ZNF285: variants seen among roughly 807,000 people sequenced by gnomAD.
ZNF285 encodes zinc finger protein 285A.
In ZNF285, 4 loss-of-function variants were observed where a neutral mutation model predicts 6.2. The ratio of observed to expected loss-of-function variants is 0.65; its 90% CI spans 0.32 to 1.49. ZNF285 has a LOEUF of 1.49. Among genes scored for constraint, ZNF285 ranks in the 40% most tolerant of loss-of-function variants. The pLI, the probability that ZNF285 is intolerant of heterozygous loss-of-function variation, is 0.07. For missense variants in ZNF285, 695 were observed against 708.8 expected (o/e 0.98, Z 0.22); for synonymous variants, 240 against 245.8 (o/e 0.98, Z 0.22).
At chr19:44,390,475 C>T (rs1255350721) in intron 3 of ZNF285, among the ~76,000 whole-genome samples, 1 of 152,166 alleles carries the variant, frequency 6.6e-6, no homozygotes, top group Non-Finnish European at 1.5e-5. Context: ...TGTATTTACA[C>T]AATGCCTGTA....
rs1235767805 is a variant in ZNF285 at position 44,389,508 on chromosome 19, A to T, written c.143-1406T>A. Among the ~76,000 whole-genome samples, 6 of 152,352 alleles carry T rather than the reference A, an allele frequency of 3.9e-5. No homozygotes were observed. In the East Asian group the frequency reaches 1.2e-3, roughly 29 times the overall value. Reference sequence around the variant, plus strand: ...GCATTATGACTCAGTAGGAATAGGCACGAACATCAACAGAGACTGCTCACT... The same window carrying T: ...GCATTATGACTCAGTAGGAATAGGCTCGAACATCAACAGAGACTGCTCACT... On this transcript the variant is annotated intron_variant, in intron 3 of 3. Coordinates refer to ENST00000614994, the MANE Select transcript of ZNF285 (RefSeq NM_152354.6).
At chr19:44,397,804 G>A (rs1448949241) in intron 1 of ZNF285, among the ~76,000 whole-genome samples, 1 of 151,712 alleles carries the variant, frequency 6.6e-6, no homozygotes, top group African/African-American at 2.4e-5. Flanking sequence ...CAATCACTTG[G>A]GAGGCAGAGG....
rs1971122392 is a variant in ZNF285 at position 44,387,870 on chromosome 19, T to C, written c.375A>G (p.Val125=). ...CTTGATTTTTGATAATGGCATTTAC[T>C]ACATAGTTTTCATTTTCAGAAATCT... ...SLQISENENY[V]VNAIIKNQDI... The change falls in exon 4 of 4, where the codon GTA becomes GTG. Residue 125 remains valine, a synonymous_variant. Transcript: ENST00000614994. The C allele has an allele frequency of 2.5e-6, 4 of 1,613,864 alleles. No homozygotes were observed. Among genetic ancestry groups the C allele is most frequent in the Non-Finnish European group, 3.4e-6 (4 of 1,179,876 alleles).
At position 44,386,788 on chromosome 19, in the gene ZNF285, C is replaced by A; in HGVS notation, c.1457G>T (p.Cys486Phe). ...ACTGAAGCACTTTCCACACACTTCA[C>A]ATTTATATGGTTTTTCTCCAGTGTG... is the stretch of plus-strand genomic sequence containing the variant. ...RVHTGEKPYK[C>F]EVCGKCFSYS... The change falls in exon 4 of 4, where the codon TGT (cysteine) becomes TTT (phenylalanine). Residue 486 changes from cysteine (C) to phenylalanine (F), a missense_variant. Physicochemically the swap from Cys to Phe is radical, Grantham distance 205 (BLOSUM62 -2). Transcript: ENST00000614994. 6.2e-7 allele frequency: 1 copy of A among 1,614,230 alleles called. No individual in the cohort carries two copies. Among genetic ancestry groups the A allele is most frequent in the Non-Finnish European group, 8.5e-7 (1 of 1,180,042 alleles).
At chr19:44,389,113 A>G (rs560850511) in intron 3 of ZNF285, among the ~76,000 whole-genome samples, 1 of 151,242 alleles carries the variant, frequency 6.6e-6, no homozygotes, top group Non-Finnish European at 1.5e-5. Context: ...CATTTCCTTA[A>G]GTTCTGCCCT....
chr19:44,386,813 G>A lies in ZNF285; in HGVS notation c.1432C>T (p.His478Tyr). The A allele has an allele frequency of 1.2e-6, 2 of 1,614,214 alleles. No homozygotes were observed. The highest frequency in any genetic ancestry group is 1.3e-5 in the African/African-American group (1 of 75,068). The change falls in exon 4 of 4, where the codon CAC becomes TAC. Residue 478 changes from histidine to tyrosine, a missense_variant. Coordinates refer to ENST00000614994, the MANE Select transcript of ZNF285 (RefSeq NM_152354.6). The part of the protein sequence containing the change: ...SSVLHTHQRV[H>Y]TGEKPYKCEV... ...CATTTATATGGTTTTTCTCCAGTGTGAACTCTCTGATGAGTGTGAAGAACA... is the reference window on the plus strand; with the variant it reads ...CATTTATATGGTTTTTCTCCAGTGTAAACTCTCTGATGAGTGTGAAGAACA...
intron 3 of ZNF285, 125 bp downstream of exon 3, chr19:44,392,215 C>A: frequency 6.5e-7 from 1 of 1,533,970 alleles, no homozygotes; most frequent in Non-Finnish European, 8.7e-7. Flanking sequence ...CCTGCACATG[C>A]ATCTCTTAGG....
rs1410407359 is a variant in ZNF285 at position 44,388,116 on chromosome 19, G to T, written c.143-14C>A. 1.2e-6 allele frequency: 2 copies of T among 1,603,254 alleles called. No individual in the cohort carries two copies. The highest frequency in any genetic ancestry group is 1.7e-6 in the Non-Finnish European group (2 of 1,174,808). The stretch of plus-strand genomic sequence containing the variant: ...TAATCCCGTCTCCTAGGAGAAGAAA[G>T]AGAATTTGGCTAAGAGAACAAGTCA... On this transcript the variant is annotated splice_polypyrimidine_tract_variant and intron_variant, in intron 3 of 3. Transcript: ENST00000614994.
intron 2 of ZNF285, chr19:44,394,568 G>T (rs527812356): frequency 3.4e-6 from 2 of 582,764 alleles, no homozygotes; most frequent in South Asian, 2.3e-5. Flanking sequence ...AAGAAGAAAA[G>T]AAAATTTTAA....
At chr19:44,394,092 T>C (rs1971240682) in intron 2 of ZNF285, among the ~76,000 whole-genome samples, 1 of 152,094 alleles carries the variant, frequency 6.6e-6, no homozygotes. Context: ...AAAAAAATGA[T>C]GAGTTCATGT....
At position 44,396,563 on chromosome 19, in the gene ZNF285, A is replaced by G. The variant is rs376399824; in HGVS notation, c.15+636T>C. On this transcript the variant is annotated intron_variant, in intron 2 of 3. Coordinates refer to ENST00000614994, the MANE Select transcript of ZNF285 (RefSeq NM_152354.6). The stretch of plus-strand genomic sequence containing the variant: ...ATTCAATAAACTGAAAGGTCTTATG[A>G]GCAGAGCTGAGGCTTCCCTGGGAGG... 8.5e-3 allele frequency: 1,291 copies of G among 152,530 alleles called. 8 individuals carry two copies. Among genetic ancestry groups the G allele is most frequent in the Non-Finnish European group, 0.012 (823 of 68,222 alleles). The allele number at this position is 152,530 out of a possible 1,614,324, so 9.4% of individuals were successfully genotyped here. A position where few individuals can be genotyped will look rare whatever the true frequency, so the allele number is the denominator to read the frequency against.
In ZNF285 at chr19:44,388,044, C is replaced by G. The variant is rs73557001; in HGVS notation, c.201G>C (p.Ser67=). 3 of 1,614,034 alleles carry G rather than the reference C, an allele frequency of 1.9e-6. No homozygotes were observed. In the Admixed American group the frequency reaches 5.0e-5, roughly 27 times the overall value. Residue 67 remains serine, a synonymous_variant, in exon 4 of 4, where the codon TCG becomes TCC. Transcript: ENST00000614994. ...NLQAKGLSYL[S]QEVLHCWQIW... ...TCTGCCAGCAATGAAGCACTTCTTG[C>G]GAAAGGTAACTTAACCCCTTTGCCT...
In ZNF285 at chr19:44,384,264, A is replaced by T. The variant is rs916927527; in HGVS notation, c.*2208T>A. The T allele has an allele frequency of 6.6e-6, 1 of 152,196 alleles. No homozygotes were observed. Among genetic ancestry groups the T allele is most frequent in the East Asian group, 1.9e-4 (1 of 5,202 alleles). 9.4% of individuals were successfully genotyped at this position (152,196 alleles called of 1,614,324 possible). The stretch of plus-strand genomic sequence containing the variant: ...TTGTTTACAGTCTTCTCATTGCAAA[A>T]TTCTTAGAACATATTTCTTTCTGAA... On this transcript the variant is annotated 3_prime_UTR_variant, in exon 4 of 4. Transcript: ENST00000614994.
intron 3 of ZNF285, among the ~76,000 whole-genome samples, chr19:44,391,159 A>G (rs1178669533): frequency 6.6e-6 from 1 of 151,806 alleles, no homozygotes; most frequent in Non-Finnish European, 1.5e-5. Flanking sequence ...TCTCAAAAAA[A>G]AAAAAAAAAG....
rs1477104224 is a variant in ZNF285, at chr19:44,387,037, C to A, written c.1208G>T (p.Ser403Ile). Residue 403 changes from serine (S) to isoleucine (I), a missense_variant, in exon 4 of 4, where the codon AGT (serine) becomes ATT (isoleucine). Coordinates refer to ENST00000614994, the MANE Select transcript of ZNF285 (RefSeq NM_152354.6). The stretch of plus-strand genomic sequence containing the variant: ...TGAACTAAAGCACTTGCCACACTCA[C>A]TGCATTTGTAGGGCTTCTCTCCAGT... Reference protein sequence around the residue: ...VHTGEKPYKCSECGKCFSSSS... With the variant: ...VHTGEKPYKCIECGKCFSSSS... 2 of 1,613,992 alleles carry A rather than the reference C, an allele frequency of 1.2e-6. No individual in the cohort carries two copies. Among genetic ancestry groups the A allele is most frequent in the African/African-American group, 2.7e-5 (2 of 74,926 alleles).
At chr19:44,391,890 C>T (rs543327424) in intron 3 of ZNF285, among the ~76,000 whole-genome samples, 3 of 152,244 alleles carry the variant, frequency 2.0e-5, no homozygotes, top group African/African-American at 7.2e-5. Flanking sequence ...TAAGTGTTGG[C>T]TATTGTAACT....
At chr19:44,389,907 G>T (rs62116778) in intron 3 of ZNF285, among the ~76,000 whole-genome samples, 2,858 of 152,254 alleles carry the variant, frequency 0.019, 50 homozygotes, top group Non-Finnish European at 0.031. Context: ...AAAAACACAG[G>T]ACCTAGGGCC....
At position 44,383,002 on chromosome 19, in the gene ZNF285, A is replaced by G. The variant is rs1971025068; in HGVS notation, c.*3470T>C. The G allele has an allele frequency of 6.6e-6, 1 of 152,138 alleles. No homozygotes were observed. The highest frequency in any genetic ancestry group is 2.1e-4 in the South Asian group (1 of 4,824). The allele number at this position is 152,138 out of a possible 1,614,324, so 9.4% of individuals were successfully genotyped here. ...GAACTCCCAGAATTACCTTTGGACA[A>G]TTCTGGTCATTGCACACAATTGTTA... is the stretch of plus-strand genomic sequence containing the variant. On this transcript the variant is annotated 3_prime_UTR_variant, in exon 4 of 4. Coordinates refer to ENST00000614994, the MANE Select transcript of ZNF285 (RefSeq NM_152354.6).
Position 44,382,325 on chromosome 19 carries a change from G to T in ZNF285, c.*4147C>A, listed in dbSNP as rs1971016717. 8.0e-6 allele frequency: 1 copy of T among 124,824 alleles called. No homozygotes were observed. The highest frequency in any genetic ancestry group is 2.3e-4 in the East Asian group (1 of 4,370). The allele number at this position is 124,824 out of a possible 1,614,324, so 7.7% of individuals were successfully genotyped here. A position where few individuals can be genotyped will look rare whatever the true frequency, so the allele number is the denominator to read the frequency against. Reference sequence around the variant, plus strand: ...TTTTTTTTTTTTTTTTTGAGACAGAGTCTTGCCCTGTCGCCTGGGCTGGAG... The same window carrying T: ...TTTTTTTTTTTTTTTTTGAGACAGATTCTTGCCCTGTCGCCTGGGCTGGAG... On this transcript the variant is annotated 3_prime_UTR_variant, in exon 4 of 4. Transcript: ENST00000614994.
Sources: allele counts gnomAD v4.1 joint callset (sites outside exome capture counted in the v4.1 genomes callset), GRCh38; gene constraint gnomAD v4.1.1; transcripts MANE v1.5; gene names NCBI Gene and HGNC (gene_info 2026-07-23, HGNC 2026-07-21).